The following ABCD3 variants were observed in gnomAD, a reference collection of about 807,000 sequenced individuals.
The protein encoded by ABCD3 is ATP-binding cassette sub-family D member 3.
In ABCD3, 41 loss-of-function variants were observed where a neutral mutation model predicts 105.5. The ratio of observed to expected loss-of-function variants is 0.39; its 90% CI spans 0.30 to 0.50. The LOEUF (loss-of-function observed/expected upper bound fraction) is 0.50, where lower values mean the gene tolerates loss of function less well. Among genes scored for constraint, ABCD3 ranks in the 20% least tolerant of loss-of-function variants. ABCD3 has a pLI of 0.84. For missense variants in ABCD3, 622 were observed against 806.3 expected (o/e 0.77, Z 2.77); for synonymous variants, 258 against 269.0 (o/e 0.96, Z 0.40).
chr1:94,478,428 T>C, intron 8 of ABCD3, 113 bp downstream of exon 8: 1 of 1,152,374 alleles, frequency 8.7e-7, no homozygotes, highest in Non-Finnish European at 1.3e-6. Flanking sequence ...AGAATGTATT[T>C]TCACATGATT....
chr1:94,504,768 A>C (rs1650268959), intron 20 of ABCD3, among the ~76,000 whole-genome samples: 1 of 152,300 alleles, frequency 6.6e-6, no homozygotes, highest in East Asian at 1.9e-4. Context: ...TTCTCTGGTT[A>C]CATGGAGAGT....
rs534812681 is a variant in ABCD3 at position 94,517,656 on chromosome 1, T to G, written c.*527T>G. 1.2e-4 allele frequency: 20 copies of G among 162,972 alleles called. No homozygotes were observed. The South Asian group carries it at 3.3e-3, about 27-fold the overall frequency. The allele number at this position is 162,972 out of a possible 1,614,324, so 10.1% of individuals were successfully genotyped here. ...GTTTATTATACAGTGGCAGATTTCTTTAGCTGCCACAGTAATACTCATTCC... is the reference window on the plus strand; with the variant it reads ...GTTTATTATACAGTGGCAGATTTCTGTAGCTGCCACAGTAATACTCATTCC... On this transcript the variant is annotated 3_prime_UTR_variant, in exon 23 of 23. Transcript: ENST00000370214.
chr1:94,487,854 G>C (rs1649346388), intron 12 of ABCD3, 38 bp from the exon 13 acceptor site: 2 of 1,607,018 alleles, frequency 1.2e-6, no homozygotes. Context: ...TTTAGTCATA[G>C]AACTATAAGT....
chr1:94,448,914 A>G (rs556530456), intron 1 of ABCD3, among the ~76,000 whole-genome samples: 1 of 152,362 alleles, frequency 6.6e-6, no homozygotes, highest in East Asian at 1.9e-4. Flanking sequence ...GACACCCCAT[A>G]TGCAATTGAA....
intron 20 of ABCD3, among the ~76,000 whole-genome samples, 195 bp from the exon 21 acceptor site, chr1:94,506,343 C>T (rs1199144112): frequency 6.6e-6 from 1 of 152,008 alleles, no homozygotes; most frequent in Non-Finnish European, 1.5e-5. Flanking sequence ...TACGTTTTTC[C>T]CTTTGTTCAG....
intron 8 of ABCD3, 24 bp from the exon 9 acceptor site, chr1:94,480,440 A>G (rs774900221): frequency 3.7e-6 from 6 of 1,613,382 alleles, no homozygotes; most frequent in South Asian, 1.1e-5. Context: ...AACTTTGTGT[A>G]TCTTTCTCTC....
At chr1:94,408,264 T>C in the ABCD3 span, among the ~76,000 whole-genome samples, 1 of 152,070 alleles carries the variant, frequency 6.6e-6, no homozygotes, top group South Asian at 2.1e-4. Flanking sequence ...TACACCGGGA[T>C]CAGGGTAGCA....
intron 1 of ABCD3, chr1:94,419,283 C>T (rs1659158982): frequency 1.0e-5 from 10 of 985,212 alleles, no homozygotes; most frequent in Middle Eastern, 5.2e-4. Context: ...AAATGTTTTC[C>T]TTCCTGGGCT....
chr1:94,499,400 T>C, intron 19 of ABCD3, 95 bp from the exon 20 acceptor site: 1 of 1,325,746 alleles, frequency 7.5e-7, no homozygotes, highest in East Asian at 2.4e-5. Context: ...GTACAGACAA[T>C]AGAATTATAG....
At chr1:94,493,953 G>T (rs1649666868) in intron 16 of ABCD3, among the ~76,000 whole-genome samples, 1 of 151,888 alleles carries the variant, frequency 6.6e-6, no homozygotes, top group East Asian at 1.9e-4. Flanking sequence ...GTGGGGTGGG[G>T]TCCTGGGGGA....
At chr1:94,446,738 T>C (rs1447551897) in intron 1 of ABCD3, among the ~76,000 whole-genome samples, 1 of 152,200 alleles carries the variant, frequency 6.6e-6, no homozygotes, top group Admixed American at 6.5e-5. Context: ...GCACTGGCTG[T>C]CTGCGTGGCC....
At chr1:94,443,682 C>T (rs887943243) in intron 1 of ABCD3, among the ~76,000 whole-genome samples, 1 of 152,116 alleles carries the variant, frequency 6.6e-6, no homozygotes, top group Admixed American at 6.5e-5. Context: ...GGTAGGGGTC[C>T]AGTTTCATTC....
chr1:94,414,276 T>G (rs1658961923), upstream of ABCD3, among the ~76,000 whole-genome samples: 1 of 152,204 alleles, frequency 6.6e-6, no homozygotes, highest in Non-Finnish European at 1.5e-5. Flanking sequence ...GTCTCCGACC[T>G]TGGGTAAATA....
the ABCD3 span, among the ~76,000 whole-genome samples, chr1:94,401,562 T>A: frequency 1.3e-5 from 2 of 152,232 alleles, no homozygotes; most frequent in African/African-American, 2.4e-5. Context: ...TTGAGATAAA[T>A]TATTTTCCTT....
intron 15 of ABCD3, 26 bp from the exon 16 acceptor site, chr1:94,491,158 T>G (rs1649517646): frequency 1.3e-6 from 2 of 1,551,178 alleles, no homozygotes; most frequent in African/African-American, 1.4e-5. Flanking sequence ...TTAAAGTAAT[T>G]CTCTTTTTAA....
At chr1:94,481,022 T>A (rs1379084885) in intron 9 of ABCD3, among the ~76,000 whole-genome samples, 1 of 152,220 alleles carries the variant, frequency 6.6e-6, no homozygotes, top group Non-Finnish European at 1.5e-5. Context: ...TAGAGTTTTT[T>A]AAATGTAAGA....
At chr1:94,459,976 A>G (rs1409914626) in intron 2 of ABCD3, among the ~76,000 whole-genome samples, 1 of 152,152 alleles carries the variant, frequency 6.6e-6, no homozygotes, top group Non-Finnish European at 1.5e-5. Context: ...CTTTGTATGC[A>G]TATACCACAT....
At chr1:94,438,201 C>T (rs532167858) in intron 1 of ABCD3, among the ~76,000 whole-genome samples, 22 of 151,782 alleles carry the variant, frequency 1.4e-4, no homozygotes, top group African/African-American at 4.6e-4. Context: ...ACAGGGGAAT[C>T]GCTTGAACCT....
intron 4 of ABCD3, among the ~76,000 whole-genome samples, chr1:94,471,062 C>G (rs1648432788): frequency 6.6e-6 from 1 of 152,126 alleles, no homozygotes; most frequent in African/African-American, 2.4e-5. Context: ...TTACTAGAAG[C>G]TGGAGTTGAG....
Sources: gnomAD v4.1 joint callset for allele counts (sites outside exome capture counted in the v4.1 genomes callset) on GRCh38, gnomAD v4.1.1 for gene constraint, MANE v1.5 for transcripts, NCBI Gene and HGNC (gene_info 2026-07-23, HGNC 2026-07-21) for gene names.